Variants in TNFRSF14 observed in about 807,000 individuals in gnomAD.
TNFRSF14 encodes tumor necrosis factor receptor superfamily member 14.
Under a neutral mutation model 34.1 loss-of-function variants are expected in TNFRSF14, and 18 were observed. The ratio of observed to expected loss-of-function variants is 0.53; its 90% CI spans 0.36 to 0.78. The LOEUF is 0.78. Ranked by LOEUF, TNFRSF14 falls within the 30% of genes least tolerant of loss-of-function variation. TNFRSF14 has a pLI of 0.00. For synonymous variants in TNFRSF14, 157 were observed against 153.2 expected (o/e 1.02, Z -0.18); for missense variants, 352 against 379.5 (o/e 0.93, Z 0.60).
chr1:2,558,209 G>T (rs930427591), intron 2 of TNFRSF14, 134 bp from the exon 3 acceptor site: 1 of 1,336,916 alleles, frequency 7.5e-7, no homozygotes, highest in Non-Finnish European at 9.9e-7. Flanking sequence ...GCTGTGTCCC[G>T]TGGGGCTCAT....
chr1:2,559,525 C>G, intron 3 of TNFRSF14: 4 of 1,495,548 alleles, frequency 2.7e-6, no homozygotes, highest in African/African-American at 1.4e-5. Flanking sequence ...CTGGAACTGA[C>G]AGTGCAAGCT....
At chr1:2,558,558 CA>C in intron 3 of TNFRSF14, 90 bp downstream of exon 3, 1 of 1,580,408 alleles carries the variant, frequency 6.3e-7, no homozygotes, top group South Asian at 1.1e-5. Context: ...CACAGTGCCC[CA>C]GGAAGGCCCC....
rs371397443 is a variant in TNFRSF14 at position 2,556,430 on chromosome 1, G to C, written c.-235G>C. On this transcript the variant is annotated 5_prime_UTR_variant, in exon 1 of 8. Transcript: ENST00000355716. ...CTCCTGCCTCCCGCAGGGCCCACCTGTGTCCCCCAGCGCCGCTCCACCCAG... is the reference window on the plus strand; with the variant it reads ...CTCCTGCCTCCCGCAGGGCCCACCTCTGTCCCCCAGCGCCGCTCCACCCAG... 57 of 695,446 alleles carry C rather than the reference G, an allele frequency of 8.2e-5. 3 individuals carry two copies. The highest frequency in any genetic ancestry group is 8.1e-4 in the South Asian group (54 of 66,700). 43.1% of individuals were successfully genotyped at this position (695,446 alleles called of 1,614,324 possible).
upstream of TNFRSF14, chr1:2,555,959 G>A: frequency 5.1e-6 from 1 of 197,944 alleles, no homozygotes; most frequent in Non-Finnish European, 1.1e-5. This position sits in a 1 kb window ranked among gnomAD's most constrained non-coding sequence, Gnocchi z 6.3. Context: ...GGGCGAGGCT[G>A]GCAGCCTTCC....
At chr1:2,562,161 G>A (rs1459708880) in intron 6 of TNFRSF14, 14 of 377,598 alleles carry the variant, frequency 3.7e-5, no homozygotes, top group South Asian at 3.6e-4. Flanking sequence ...GTCAACAGCC[G>A]CCCTGCTGGG....
In TNFRSF14 at chr1:2,557,853, C is replaced by T. The variant is rs752589183; in HGVS notation, c.178+19C>T. The stretch of plus-strand genomic sequence containing the variant: ...AGTCCAGGTAGGTGCAGCCCTTTGG[C>T]GGGCCAGCTCTGTGGGCCGAGGGCA... On this transcript the variant is annotated intron_variant, in intron 2 of 7. Coordinates refer to ENST00000355716, the MANE Select transcript of TNFRSF14 (RefSeq NM_003820.4). 5.4e-5 allele frequency: 85 copies of T among 1,577,604 alleles called. No individual in the cohort carries two copies. Among genetic ancestry groups the T allele is most frequent in the Non-Finnish European group, 6.9e-5 (80 of 1,156,058 alleles).
At position 2,561,159 on chromosome 1, in the gene TNFRSF14, T is replaced by C. The variant is rs1570590879; in HGVS notation, c.551+445T>C. The C allele has an allele frequency of 2.0e-5, 7 of 348,828 alleles. No individual in the cohort carries two copies. In the East Asian group the frequency reaches 3.2e-4, roughly 16 times the overall value. The allele number at this position is 348,828 out of a possible 1,614,324, so 21.6% of individuals were successfully genotyped here. On this transcript the variant is annotated intron_variant, in intron 5 of 7. Transcript: ENST00000355716. The surrounding 1 kb of genome is among the most constrained non-coding windows in gnomAD (Gnocchi z 6.0). ...CCTAACTGACCTGAGACTTCAGAGC[T>C]TCTTGGGAGGAGCTGGGGTCCCCCA... is the stretch of plus-strand genomic sequence containing the variant.
chr1:2,559,034 T>C, intron 3 of TNFRSF14: 1 of 1,368,580 alleles, frequency 7.3e-7, no homozygotes, highest in African/African-American at 1.4e-5. Flanking sequence ...TCTGTCCCCT[T>C]GGAGCCTCAT....
At position 2,558,336 on chromosome 1, in the gene TNFRSF14, G is replaced by A; in HGVS notation, c.179-7G>A. ...GACTTGCGAAGTTCCCACTCTCTGG[G>A]CGGCAGGTTATCGTGTGAAGGAGGC... On this transcript the variant is annotated splice_region_variant and splice_polypyrimidine_tract_variant and intron_variant, in intron 2 of 7. Transcript: ENST00000355716. The A allele has an allele frequency of 6.3e-7, 1 of 1,597,698 alleles. No individual in the cohort carries two copies. Among genetic ancestry groups the A allele is most frequent in the Non-Finnish European group, 8.5e-7 (1 of 1,173,122 alleles).
chr1:2,562,839 C>T, intron 6 of TNFRSF14, 26 bp from the exon 7 acceptor site: 1 of 1,613,998 alleles, frequency 6.2e-7, no homozygotes, highest in Non-Finnish European at 8.5e-7. Flanking sequence ...CTGCCCCTCC[C>T]TGACCTGTGT....
rs947312013 is a variant in TNFRSF14 at position 2,556,502 on chromosome 1, C to G, written c.-163C>G. The G allele has an allele frequency of 1.6e-5, 12 of 765,096 alleles. No individual in the cohort carries two copies. The highest frequency in any genetic ancestry group is 2.2e-4 in the Middle Eastern group (1 of 4,528). The allele number at this position is 765,096 out of a possible 1,614,324, so 47.4% of individuals were successfully genotyped here. Reference sequence around the variant, plus strand: ...TGCCAGACACCCCCTGCTGCCCACTCTCCTGCTGCTCGGGTTCTGAGGCAC... The same window carrying G: ...TGCCAGACACCCCCTGCTGCCCACTGTCCTGCTGCTCGGGTTCTGAGGCAC... On this transcript the variant is annotated 5_prime_UTR_variant, in exon 1 of 8. Transcript: ENST00000355716.
At chr1:2,557,617 C>G (rs1367388059) in intron 1 of TNFRSF14, 109 bp from the exon 2 acceptor site, 2 of 807,418 alleles carry the variant, frequency 2.5e-6, no homozygotes, top group African/African-American at 3.6e-5. Flanking sequence ...CTACCAGGCA[C>G]TGCCGCTCCT....
chr1:2,560,863 T>G (rs1644298951), intron 5 of TNFRSF14, 149 bp downstream of exon 5: 1 of 679,374 alleles, frequency 1.5e-6, no homozygotes, highest in African/African-American at 1.8e-5. Context: ...CCAGGAGAGC[T>G]GCAGGGCTGA....
At chr1:2,558,846 T>G in intron 3 of TNFRSF14, 5 of 1,317,908 alleles carry the variant, frequency 3.8e-6, no homozygotes, top group Non-Finnish European at 3.9e-6. Context: ...GGCCTGCTGC[T>G]TCCCCACAGG....
At chr1:2,560,062 G>A (rs914935925) in intron 4 of TNFRSF14, 84 bp downstream of exon 4, 7 of 1,450,708 alleles carry the variant, frequency 4.8e-6, no homozygotes, top group Admixed American at 4.9e-5. Flanking sequence ...TTTCCTCGAC[G>A]GCATGGCCTG....
At chr1:2,559,151 A>AG in intron 3 of TNFRSF14, 1 of 1,363,388 alleles carries the variant, frequency 7.3e-7, no homozygotes, top group South Asian at 1.2e-5. Flanking sequence ...AGGGAGGCAC[A>AG]GGGCAGGTGG....
upstream of TNFRSF14, among the ~76,000 whole-genome samples, chr1:2,554,456 G>A (rs1644185294): frequency 2.0e-5 from 3 of 152,206 alleles, no homozygotes; most frequent in Admixed American, 2.0e-4. The surrounding 1 kb of genome is among the most constrained non-coding windows in gnomAD (Gnocchi z 4.2). Context: ...GGAGAAAAGG[G>A]ACGGAGGGCC....
chr1:2,557,970 C>T, intron 2 of TNFRSF14, 136 bp downstream of exon 2: 1 of 753,396 alleles, frequency 1.3e-6, no homozygotes. Flanking sequence ...GGTGTGCAGA[C>T]AGTGAGGGCA....
upstream of TNFRSF14, chr1:2,556,178 G>A (rs1391952260): frequency 2.4e-6 from 1 of 410,002 alleles, no homozygotes; most frequent in Non-Finnish European, 4.7e-6. Flanking sequence ...ATGGGAACAG[G>A]AAACCCACAG....
Sources: allele counts gnomAD v4.1 joint callset (sites outside exome capture counted in the v4.1 genomes callset), GRCh38; gene constraint gnomAD v4.1.1; non-coding constraint Gnocchi (gnomAD v3.1); transcripts MANE v1.5; gene names NCBI Gene and HGNC (gene_info 2026-07-23, HGNC 2026-07-21).